Variants in CDK8 observed in about 807,000 individuals in gnomAD.
The protein encoded by CDK8 is cyclin dependent kinase 8.
Under a neutral mutation model 71.5 loss-of-function variants are expected in CDK8, and 29 were observed. That is an observed-to-expected ratio of 0.41 (90% CI 0.30 to 0.55). The LOEUF is 0.55. Among genes scored for constraint, CDK8 ranks in the 20% least tolerant of loss-of-function variants. The pLI is 0.37. For synonymous variants in CDK8, 161 were observed against 192.1 expected (o/e 0.84, Z 1.34); for missense variants, 288 against 572.6 (o/e 0.50, Z 5.07).
At chr13:26,387,753 A>G (rs1875549154) in intron 6 of CDK8, among the ~76,000 whole-genome samples, 1 of 152,154 alleles carries the variant, frequency 6.6e-6, no homozygotes, top group African/African-American at 2.4e-5. Flanking sequence ...AGGTCTCCAC[A>G]TGGCCAGTTT....
chr13:26,269,715 T>C (rs1425344962), intron 1 of CDK8, among the ~76,000 whole-genome samples: 2 of 152,220 alleles, frequency 1.3e-5, no homozygotes, highest in Non-Finnish European at 2.9e-5. Flanking sequence ...TATTGCACTT[T>C]GAGTAACTGG....
chr13:26,296,414 A>T (rs1028219575), intron 1 of CDK8, among the ~76,000 whole-genome samples: 11 of 152,112 alleles, frequency 7.2e-5, no homozygotes, highest in African/African-American at 2.7e-4. Context: ...TCCTTTCTAG[A>T]CCTTTTGTAG....
chr13:26,331,129 A>T (rs1015946136), intron 1 of CDK8, among the ~76,000 whole-genome samples: 3 of 152,104 alleles, frequency 2.0e-5, no homozygotes, highest in Non-Finnish European at 4.4e-5. Context: ...TTTTTAATGA[A>T]TGCCATCCTC....
At chr13:26,306,912 G>A (rs1874071733) in intron 1 of CDK8, among the ~76,000 whole-genome samples, 1 of 152,058 alleles carries the variant, frequency 6.6e-6, no homozygotes, top group South Asian at 2.1e-4. Flanking sequence ...TACAGGCTGA[G>A]CCACAATGCC....
intron 1 of CDK8, among the ~76,000 whole-genome samples, chr13:26,283,812 C>T (rs1872876016): frequency 6.6e-6 from 1 of 150,954 alleles, no homozygotes. Flanking sequence ...GCAGGGGAAT[C>T]ACTTGAACCC....
chr13:26,334,985 G>A (rs969761952), intron 1 of CDK8, among the ~76,000 whole-genome samples: 3 of 152,132 alleles, frequency 2.0e-5, no homozygotes, highest in African/African-American at 7.2e-5. Context: ...CTTCAAGCCA[G>A]AGAGCAAAGA....
intron 4 of CDK8, among the ~76,000 whole-genome samples, chr13:26,360,388 C>G (rs1874080773): frequency 6.6e-6 from 1 of 152,166 alleles, no homozygotes; most frequent in African/African-American, 2.4e-5. Context: ...TTTTCTTTCC[C>G]TATCTTACTC....
At chr13:26,359,708 AT>A (rs1183663685) in intron 4 of CDK8, 6 of 427,682 alleles carry the variant, frequency 1.4e-5, no homozygotes, top group Non-Finnish European at 2.3e-5. Context: ...ATGTGGCCTC[AT>A]TTTTTTCTTC....
intron 5 of CDK8, 63 bp from the exon 6 acceptor site, chr13:26,385,148 A>G: frequency 7.5e-7 from 1 of 1,329,484 alleles, no homozygotes; most frequent in South Asian, 1.3e-5. Flanking sequence ...GGTAAATTAG[A>G]CTAATTGGTT....
rs540160645 is a variant in CDK8 at position 26,284,609 on chromosome 13, A to G, written c.128+29840A>G. Among the ~76,000 whole-genome samples the G allele has an allele frequency of 2.0e-5, 3 of 152,340 alleles. No individual in the cohort carries two copies. In the East Asian group the frequency reaches 5.8e-4, roughly 29 times the overall value. ...CTGAACAGACCAGTAACAAGTAGCA[A>G]GATTGAAACAGTAATGAAAAAACTG... is the stretch of plus-strand genomic sequence containing the variant. On this transcript the variant is annotated intron_variant, in intron 1 of 12. Transcript: ENST00000381527.
intron 7 of CDK8, 143 bp downstream of exon 7, chr13:26,393,653 C>A: frequency 1.2e-6 from 1 of 802,590 alleles, no homozygotes; most frequent in East Asian, 2.7e-5. Flanking sequence ...TATCAAAGAT[C>A]CGTAGAAACA....
At chr13:26,289,472 C>A (rs1566473508) in intron 1 of CDK8, among the ~76,000 whole-genome samples, 1 of 152,092 alleles carries the variant, frequency 6.6e-6, no homozygotes, top group Non-Finnish European at 1.5e-5. Context: ...CTTTAATTTT[C>A]TATGTGTTTG....
intron 1 of CDK8, among the ~76,000 whole-genome samples, chr13:26,262,629 G>A (rs1871822822): frequency 6.6e-6 from 1 of 152,094 alleles, no homozygotes; most frequent in Admixed American, 6.6e-5. Context: ...GGAAGGCCAA[G>A]GTATTTGAAA....
At chr13:26,330,774 T>TTG (rs138734541) in intron 1 of CDK8, among the ~76,000 whole-genome samples, 2 of 152,058 alleles carry the variant, frequency 1.3e-5, no homozygotes, top group East Asian at 1.9e-4. Flanking sequence ...ATTTCCTTCT[T>TTG]TGTGTGTGTG....
chr13:26,359,627 C>T (rs567578376), intron 4 of CDK8: 85 of 264,728 alleles, frequency 3.2e-4, no homozygotes, highest in Non-Finnish European at 3.0e-4. Context: ...AGGGCATGAG[C>T]GGTTTTTCAC....
intron 1 of CDK8, among the ~76,000 whole-genome samples, chr13:26,316,864 TGGCAGGTC>T (rs1229771956): frequency 2.0e-5 from 3 of 152,112 alleles, no homozygotes; most frequent in African/African-American, 4.8e-5. Flanking sequence ...AAAGACCTGA[TGGCAGGTC>T]AACTAGATAA....
chr13:26,305,807 G>A (rs2137922923), intron 1 of CDK8, among the ~76,000 whole-genome samples: 1 of 152,122 alleles, frequency 6.6e-6, no homozygotes, highest in African/African-American at 2.4e-5. Context: ...TCAAAAATCT[G>A]TGTTCTATCT....
intron 4 of CDK8, among the ~76,000 whole-genome samples, chr13:26,380,714 CTGGCAGCCCTGCT>C (rs1243958937): frequency 6.6e-6 from 1 of 152,210 alleles, no homozygotes; most frequent in Non-Finnish European, 1.5e-5. Flanking sequence ...CTCCTGGACT[CTGGCAGCCCTGCT>C]GCCTCATCCT....
rs1301476157 is a variant in CDK8 at position 26,345,725 on chromosome 13, G to C, written c.205-3347G>C. Reference sequence around the variant, plus strand: ...TAGTAAATTTTAGTAAAACACAGTAGATTGGTTTTATAAAGAAAGAAGTGA... The same window carrying C: ...TAGTAAATTTTAGTAAAACACAGTACATTGGTTTTATAAAGAAAGAAGTGA... On this transcript the variant is annotated intron_variant, in intron 2 of 12. Coordinates refer to ENST00000381527, the MANE Select transcript of CDK8 (RefSeq NM_001260.3). Among the ~76,000 whole-genome samples the C allele has an allele frequency of 2.6e-5, 4 of 152,324 alleles. No homozygotes were observed. The East Asian group carries it at 7.7e-4, about 29-fold the overall frequency.
Sources: allele counts gnomAD v4.1 joint callset (sites outside exome capture counted in the v4.1 genomes callset), GRCh38; gene constraint gnomAD v4.1.1; transcripts MANE v1.5; gene names NCBI Gene and HGNC (gene_info 2026-07-23, HGNC 2026-07-21).